CLN6: variants seen among roughly 807,000 people sequenced by gnomAD.
The protein encoded by CLN6 is CLN6 transmembrane ER protein, also known as ceroid-lipofuscinosis neuronal protein 6.
Under a neutral mutation model 33.3 loss-of-function variants are expected in CLN6, and 22 were observed. The ratio of observed to expected loss-of-function variants is 0.66; its 90% CI spans 0.47 to 0.94. The LOEUF is 0.94. Ranked by LOEUF, CLN6 falls within the 40% of genes least tolerant of loss-of-function variation. The probability of loss-of-function intolerance (pLI) is 0.00; values close to 1 mark genes in which losing one functional copy is unlikely to be tolerated. For missense variants in CLN6, 387 were observed against 417.1 expected (o/e 0.93, Z 0.63); for synonymous variants, 201 against 174.6 (o/e 1.15, Z -1.19).
chr15:68,245,964 G>A (rs1468480199), intron 1 of CLN6, among the ~76,000 whole-genome samples: 2 of 152,072 alleles, frequency 1.3e-5, no homozygotes, highest in Non-Finnish European at 2.9e-5. Flanking sequence ...TGTAAAAAGT[G>A]ACAAAGAAGA....
At position 68,211,847 on chromosome 15, in the gene CLN6, G is replaced by A. The variant is rs769747737; in HGVS notation, c.314C>T (p.Pro105Leu). 4.3e-6 allele frequency: 7 copies of A among 1,613,756 alleles called. No individual in the cohort carries two copies. The highest frequency in any genetic ancestry group is 5.9e-6 in the Non-Finnish European group (7 of 1,180,004). The change falls in exon 4 of 7, where the codon CCC (proline) becomes CTC (leucine). Residue 105 changes from proline to leucine, a missense_variant. By Grantham distance (98) the Pro-to-Leu change is moderately conservative. Coordinates refer to ENST00000249806, the MANE Select transcript of CLN6 (RefSeq NM_017882.3). This position sits in a 1 kb window ranked among gnomAD's most constrained non-coding sequence, Gnocchi z 5.9. ...FLLLKLIERS[P>L]RTLPRSITYV... is the part of the protein sequence containing the mutation. Reference sequence around the variant, plus strand: ...CGTGATGGAGCGTGGCAGGGTGCGGGGGGACCGCTCGATGAGCTGGGGTTC... The same window carrying A: ...CGTGATGGAGCGTGGCAGGGTGCGGAGGGACCGCTCGATGAGCTGGGGTTC...
At chr15:68,229,759 C>CGGAGA, upstream of CLN6, 2 of 50,568 alleles carry the variant, frequency 4.0e-5, no homozygotes, top group Admixed American at 4.1e-4. Context: ...CGGGGCGGAG[C>CGGAGA]GGAGCGGAGC....
At chr15:68,218,385 T>G in intron 2 of CLN6, 151 bp downstream of exon 2, 1 of 646,196 alleles carries the variant, frequency 1.5e-6, no homozygotes, top group Non-Finnish European at 2.8e-6. Context: ...GGCCAAGTCA[T>G]AGAGCTAAGG....
upstream of CLN6, among the ~76,000 whole-genome samples, chr15:68,230,460 A>C (rs981594985): frequency 2.9e-4 from 44 of 152,288 alleles, 1 homozygote; most frequent in Non-Finnish European, 5.9e-5. The surrounding 1 kb of genome is among the most constrained non-coding windows in gnomAD (Gnocchi z 4.0). Flanking sequence ...GGAGCATACA[A>C]GACAGACAGA....
chr15:68,229,708 C>T lies in CLN6; in HGVS notation c.-124G>A. ...GGTTCGGGGCGGGCCGGCGAGAGCG[C>T]GCGGCCCTCGGGAGGAACAGGCGGG... is the stretch of plus-strand genomic sequence containing the variant. On this transcript the variant is annotated 5_prime_UTR_variant, in exon 1 of 7. Transcript: ENST00000249806. 1.5e-6 allele frequency: 1 copy of T among 683,080 alleles called. No individual in the cohort carries two copies. The highest frequency in any genetic ancestry group is 2.1e-6 in the Non-Finnish European group (1 of 482,606). 42.3% of individuals were successfully genotyped at this position (683,080 alleles called of 1,614,324 possible).
rs1487815654 is a variant in CLN6 at position 68,242,497 on chromosome 15, G to A, written c.179+14193C>T. On this transcript the variant is annotated intron_variant, in intron 1 of 6. Transcript: ENST00000538696. This position sits in a 1 kb window ranked among gnomAD's most constrained non-coding sequence, Gnocchi z 5.0. ...CAAGAGGGAGTTGAGCAAGAACAAG[G>A]GGTACAGAACTTACTTAAATAAATA... Among the ~76,000 whole-genome samples, 1 of 151,646 alleles carries A rather than the reference G, an allele frequency of 6.6e-6. No homozygotes were observed. The highest frequency in any genetic ancestry group is 1.5e-5 in the Non-Finnish European group (1 of 67,920).
chr15:68,243,009 T>G (rs1284896674), intron 1 of CLN6, among the ~76,000 whole-genome samples: 1 of 152,244 alleles, frequency 6.6e-6, no homozygotes, highest in Non-Finnish European at 1.5e-5. Flanking sequence ...TTGAGACGAC[T>G]GCAGAAACAG....
Position 68,208,218 on chromosome 15 carries a change from G to C in CLN6, c.858C>G (p.Leu286=). The C allele has an allele frequency of 6.2e-7, 1 of 1,613,924 alleles. No individual in the cohort carries two copies. Among genetic ancestry groups the C allele is most frequent in the African/African-American group, 1.3e-5 (1 of 74,970 alleles). Reference sequence around the variant, plus strand: ...AGATGACACCCGGGTACTTCTTCCTGAGAACAGGGTCATTCCACAGCCAGG... The same window carrying C: ...AGATGACACCCGGGTACTTCTTCCTCAGAACAGGGTCATTCCACAGCCAGG... ...WVAWLWNDPV[L]RKKYPGVIYV... Residue 286 remains leucine, a synonymous_variant, in exon 7 of 7, where the codon CTC becomes CTG. Coordinates refer to ENST00000249806, the MANE Select transcript of CLN6 (RefSeq NM_017882.3). This position sits in a 1 kb window ranked among gnomAD's most constrained non-coding sequence, Gnocchi z 5.8.
Position 68,210,510 on chromosome 15 carries a change from A to T in CLN6, c.543-751T>A, listed in dbSNP as rs906176576. On this transcript the variant is annotated intron_variant, in intron 5 of 6. Transcript: ENST00000249806. This position sits in a 1 kb window ranked among gnomAD's most constrained non-coding sequence, Gnocchi z 5.6. Reference sequence around the variant, plus strand: ...CGAAACACCCTGGAAATGCCCGTGCAGGGTGCGTGTGCTGTGAGCACCAAC... The same window carrying T: ...CGAAACACCCTGGAAATGCCCGTGCTGGGTGCGTGTGCTGTGAGCACCAAC... Among the ~76,000 whole-genome samples the T allele has an allele frequency of 3.3e-5, 5 of 152,196 alleles. No homozygotes were observed. The highest frequency in any genetic ancestry group is 7.4e-5 in the Non-Finnish European group (5 of 68,026).
chr15:68,218,201 A>G, intron 2 of CLN6: 1 of 318,678 alleles, frequency 3.1e-6, no homozygotes, highest in Admixed American at 4.1e-5. Flanking sequence ...TTCCTTTCCT[A>G]TACCCCTTTG....
At position 68,223,832 on chromosome 15, in the gene CLN6, G is replaced by A. The variant is rs1184518955; in HGVS notation, c.84-5182C>T. Among the ~76,000 whole-genome samples the A allele has an allele frequency of 4.6e-5, 7 of 151,598 alleles. No homozygotes were observed. The East Asian group carries it at 1.4e-3, about 29-fold the overall frequency. ...AGGCTGAGGTGTACAGATCACCTGA[G>A]GTCAGGAGTTCGAGACCAGCCTGGC... On this transcript the variant is annotated intron_variant, in intron 1 of 6. Transcript: ENST00000249806.
At chr15:68,233,137 C>T (rs2141158533), upstream of CLN6, among the ~76,000 whole-genome samples, 1 of 152,244 alleles carries the variant, frequency 6.6e-6, no homozygotes, top group East Asian at 1.9e-4. This position sits in a 1 kb window ranked among gnomAD's most constrained non-coding sequence, Gnocchi z 4.3. Flanking sequence ...CTCTTGTGTG[C>T]CCTCCCTTCT....
intron 1 of CLN6, among the ~76,000 whole-genome samples, chr15:68,235,581 A>AAAATAAATAAATAAAT (rs1285823608): frequency 1.3e-3 from 89 of 70,796 alleles, no homozygotes; most frequent in African/African-American, 3.7e-3. Flanking sequence ...AAAAAAAATA[A>AAAATAAATAAATAAAT]AAATAAATAT....
rs955894566 is a variant in CLN6 at position 68,219,962 on chromosome 15, A to T, written c.84-1312T>A. The stretch of plus-strand genomic sequence containing the variant: ...CTGGCTGATTAAAACAGTCACAACG[A>T]CCAGTTACTCCTTTTGTAGTGGCAA... On this transcript the variant is annotated intron_variant, in intron 1 of 6. Transcript: ENST00000249806. This position sits in a 1 kb window ranked among gnomAD's most constrained non-coding sequence, Gnocchi z 4.2. Among the ~76,000 whole-genome samples, 1 of 152,170 alleles carries T rather than the reference A, an allele frequency of 6.6e-6. No individual in the cohort carries two copies. Among genetic ancestry groups the T allele is most frequent in the Admixed American group, 6.5e-5 (1 of 15,276 alleles).
rs924518551 is a variant in CLN6, at chr15:68,211,916, G to A, written c.298-53C>T. On this transcript the variant is annotated intron_variant, in intron 3 of 6. Coordinates refer to ENST00000249806, the MANE Select transcript of CLN6 (RefSeq NM_017882.3). This position sits in a 1 kb window ranked among gnomAD's most constrained non-coding sequence, Gnocchi z 5.9. ...TGACCCCACCTCTGTCACAGTATGT[G>A]ACACCCTCTGCTTCCCCCCTCACAC... is the stretch of plus-strand genomic sequence containing the variant. The A allele has an allele frequency of 1.3e-6, 2 of 1,569,206 alleles. No individual in the cohort carries two copies. The highest frequency in any genetic ancestry group is 2.7e-5 in the African/African-American group (2 of 74,222).
In CLN6 at chr15:68,251,611, G is replaced by A. The variant is rs142390225; in HGVS notation, c.179+5079C>T. Among the ~76,000 whole-genome samples, 230 of 152,158 alleles carry A rather than the reference G, an allele frequency of 1.5e-3. 5 individuals carry two copies. The highest frequency in any genetic ancestry group is 5.3e-3 in the African/African-American group (219 of 41,500). ...AATCGCTTGAGCCTGGGGGTTGGAG[G>A]TTGCAGTGAACCAAGATCGCCCCAC... On this transcript the variant is annotated intron_variant, in intron 1 of 6. Coordinates refer to the CLN6 transcript ENST00000538696.
At chr15:68,249,519 T>C (rs1466604444) in intron 1 of CLN6, among the ~76,000 whole-genome samples, 1 of 152,208 alleles carries the variant, frequency 6.6e-6, no homozygotes, top group African/African-American at 2.4e-5. Context: ...TCTGTCATTG[T>C]AGCAACATAG....
At position 68,236,510 on chromosome 15, in the gene CLN6, T is replaced by C. The variant is rs1270476112; in HGVS notation, c.180-17860A>G. On this transcript the variant is annotated intron_variant, in intron 1 of 6. Coordinates refer to the CLN6 transcript ENST00000538696. This position sits in a 1 kb window ranked among gnomAD's most constrained non-coding sequence, Gnocchi z 4.5. ...ATGCAAGTCATAAAAGGCCATATGCTGTATTAGGCCATTTATATGAAATGT... is the reference window on the plus strand; with the variant it reads ...ATGCAAGTCATAAAAGGCCATATGCCGTATTAGGCCATTTATATGAAATGT... 1.3e-5 allele frequency among the ~76,000 whole-genome samples: 2 copies of C among 152,266 alleles called. No homozygotes were observed. Among genetic ancestry groups the C allele is most frequent in the Admixed American group, 1.3e-4 (2 of 15,290 alleles).
chr15:68,214,114 G>A (rs887852661), intron 3 of CLN6, 176 bp downstream of exon 3: 8 of 601,624 alleles, frequency 1.3e-5, no homozygotes, highest in South Asian at 1.9e-5. Context: ...CCAGGCCACC[G>A]GCAGCTCCGC....
Sources: allele counts gnomAD v4.1 joint callset (sites outside exome capture counted in the v4.1 genomes callset), GRCh38; gene constraint gnomAD v4.1.1; non-coding constraint Gnocchi (gnomAD v3.1); transcripts MANE v1.5; gene names NCBI Gene and HGNC (gene_info 2026-07-23, HGNC 2026-07-21).